CDK19: variants seen among roughly 807,000 people sequenced by gnomAD.
CDK19 encodes cyclin dependent kinase 19.
CDK19 carries 20 observed loss-of-function variants against 68.3 expected under a neutral mutation model. The observed-to-expected ratio is 0.29, with a 90% confidence interval of 0.21 to 0.43. The LOEUF (loss-of-function observed/expected upper bound fraction) is 0.43. Ranked by LOEUF, CDK19 falls within the 20% of genes least tolerant of loss-of-function variation. CDK19 has a pLI of 1.00. For missense variants in CDK19, 339 were observed against 623.5 expected, an observed-to-expected ratio of 0.54 and a Z score of 4.86; for synonymous variants, 221 against 222.8, an observed-to-expected ratio of 0.99 and a Z score of 0.07.
intron 2 of CDK19, among the ~76,000 whole-genome samples, chr6:110,703,159 C>G (rs1183025413): frequency 6.6e-6 from 1 of 151,988 alleles, no homozygotes; most frequent in Non-Finnish European, 1.5e-5. Flanking sequence ...CCCACCCTAC[C>G]CCCGGCAAGT....
At chr6:110,639,725 A>T (rs1358004338) in intron 4 of CDK19, among the ~76,000 whole-genome samples, 1 of 152,272 alleles carries the variant, frequency 6.6e-6, no homozygotes, top group Non-Finnish European at 1.5e-5. Context: ...AGCACTTAAA[A>T]AACAAATTCA....
intron 1 of CDK19, among the ~76,000 whole-genome samples, chr6:110,789,493 G>A (rs1781453095): frequency 6.6e-6 from 1 of 152,130 alleles, no homozygotes; most frequent in Non-Finnish European, 1.5e-5. Flanking sequence ...TGGCCAGGAT[G>A]GTCTCAATCT....
intron 12 of CDK19, among the ~76,000 whole-genome samples, chr6:110,616,644 G>A (rs556814595): frequency 4.3e-4 from 65 of 151,712 alleles, no homozygotes; most frequent in African/African-American, 1.4e-3. Context: ...ACTCTAGCCT[G>A]GGCGACAGAG....
chr6:110,705,307 T>G lies in CDK19; in HGVS notation c.205-34766A>C, dbSNP rs918175804. Among the ~76,000 whole-genome samples the G allele has an allele frequency of 3.3e-5, 5 of 152,298 alleles. No individual in the cohort carries two copies. The South Asian group carries it at 8.3e-4, about 25-fold the overall frequency. The stretch of plus-strand genomic sequence containing the variant: ...CACCTGCCTCGGCCTCCGTAAGTGC[T>G]GGGATTACAGGCGTGAGCCACTGCG... On this transcript the variant is annotated intron_variant, in intron 2 of 12. Transcript: ENST00000368911.
chr6:110,653,993 C>T (rs1328874394), intron 4 of CDK19, among the ~76,000 whole-genome samples: 2 of 151,992 alleles, frequency 1.3e-5, no homozygotes, highest in Non-Finnish European at 2.9e-5. Flanking sequence ...TTATCAGTAC[C>T]AATAAAGAGA....
chr6:110,630,183 C>T (rs1779354097), intron 6 of CDK19, among the ~76,000 whole-genome samples: 1 of 152,178 alleles, frequency 6.6e-6, no homozygotes, highest in Non-Finnish European at 1.5e-5. Context: ...GGTGGGAAGT[C>T]ATTTAGCTTA....
At chr6:110,623,265 T>A in intron 9 of CDK19, 25 bp downstream of exon 9, 1 of 1,595,434 alleles carries the variant, frequency 6.3e-7, no homozygotes, top group Non-Finnish European at 8.6e-7. Flanking sequence ...AGAATCAGAT[T>A]TTAGTCTGGG....
intron 1 of CDK19, among the ~76,000 whole-genome samples, chr6:110,779,985 C>T (rs959743269): frequency 1.3e-5 from 2 of 151,776 alleles, no homozygotes; most frequent in East Asian, 1.9e-4. Context: ...TTCAGGAGGC[C>T]GAGGCAGGCA....
chr6:110,755,728 G>A (rs1778792343), intron 1 of CDK19, among the ~76,000 whole-genome samples: 1 of 152,222 alleles, frequency 6.6e-6, no homozygotes, highest in Non-Finnish European at 1.5e-5. Context: ...ATGGTATGCT[G>A]AAAACTTGGC....
chr6:110,675,483 C>T (rs1469110550), intron 2 of CDK19, among the ~76,000 whole-genome samples: 3 of 151,866 alleles, frequency 2.0e-5, no homozygotes, highest in Non-Finnish European at 4.4e-5. Context: ...CAAAACTAGC[C>T]GGGTGTGGTG....
At chr6:110,677,761 T>C (rs1396872413) in intron 2 of CDK19, among the ~76,000 whole-genome samples, 2 of 152,160 alleles carry the variant, frequency 1.3e-5, no homozygotes, top group Non-Finnish European at 2.9e-5. Flanking sequence ...TATTAGAGTA[T>C]CTTTCAATGT....
chr6:110,722,421 G>A (rs1775966524), intron 2 of CDK19: 1 of 151,536 alleles, frequency 6.6e-6, no homozygotes, highest in South Asian at 2.1e-4. Flanking sequence ...TGTTTTGGCC[G>A]GGTACGGTGG....
intron 12 of CDK19, among the ~76,000 whole-genome samples, chr6:110,617,662 T>TATATATATACAC (rs755618032): frequency 3.7e-5 from 4 of 107,156 alleles, no homozygotes; most frequent in African/African-American, 1.2e-4. Context: ...TATATATATA[T>TATATATATACAC]ACACACACAC....
intron 1 of CDK19, among the ~76,000 whole-genome samples, chr6:110,801,643 C>T (rs1782354255): frequency 6.6e-6 from 1 of 152,022 alleles, no homozygotes; most frequent in South Asian, 2.1e-4. Context: ...TCCCGAGTAG[C>T]TGGGACTACA....
At chr6:110,637,889 G>A (rs1050229234) in intron 5 of CDK19, among the ~76,000 whole-genome samples, 7 of 152,158 alleles carry the variant, frequency 4.6e-5, no homozygotes, top group African/African-American at 1.7e-4. Flanking sequence ...GACTGAGGCA[G>A]GGAGAATTGC....
At chr6:110,642,025 G>A (rs1217115650) in intron 4 of CDK19, among the ~76,000 whole-genome samples, 1 of 152,206 alleles carries the variant, frequency 6.6e-6, no homozygotes, top group Non-Finnish European at 1.5e-5. Flanking sequence ...ATTGGAGGCT[G>A]GGCGTGGTGG....
chr6:110,636,260 C>G (rs991217613), intron 5 of CDK19, among the ~76,000 whole-genome samples: 1 of 152,164 alleles, frequency 6.6e-6, no homozygotes, highest in Non-Finnish European at 1.5e-5. Flanking sequence ...ATAAAGACTT[C>G]GGCTAGGGTG....
chr6:110,705,228 C>A (rs1009516502), intron 2 of CDK19, among the ~76,000 whole-genome samples: 1 of 151,950 alleles, frequency 6.6e-6, no homozygotes, highest in Non-Finnish European at 1.5e-5. Context: ...TTAGTAGAGA[C>A]GGGGTTTCTC....
chr6:110,742,339 G>A (rs374272005), intron 2 of CDK19, among the ~76,000 whole-genome samples: 3 of 151,964 alleles, frequency 2.0e-5, no homozygotes, highest in East Asian at 3.9e-4. Flanking sequence ...TCTTAATCCC[G>A]TTATCTTCGT....
Sources: allele counts gnomAD v4.1 joint callset (sites outside exome capture counted in the v4.1 genomes callset), GRCh38; gene constraint gnomAD v4.1.1; transcripts MANE v1.5; gene names NCBI Gene and HGNC (gene_info 2026-07-23, HGNC 2026-07-21).